Variants in PCLO observed in about 807,000 individuals in gnomAD.
PCLO encodes piccolo presynaptic cytomatrix protein.
In PCLO, 82 loss-of-function variants were observed where a neutral mutation model predicts 427.5. The ratio of observed to expected loss-of-function variants is 0.19; its 90% CI spans 0.16 to 0.23. The LOEUF (loss-of-function observed/expected upper bound fraction) is 0.23, where lower values mean the gene tolerates loss of function less well. PCLO is among the 10% of genes least tolerant of loss of function. The pLI is 1.00. For synonymous variants in PCLO, 2,357 were observed against 2,155.4 expected (o/e 1.09, Z -2.59); for missense variants, 6,239 against 6,115.9 (o/e 1.02, Z -0.67).
chr7:83,075,362 G>T (rs946925754), intron 3 of PCLO, among the ~76,000 whole-genome samples: 2 of 152,192 alleles, frequency 1.3e-5, no homozygotes, highest in African/African-American at 4.8e-5. Flanking sequence ...ACCTCAGTGA[G>T]ATTAGGCCTT....
chr7:83,078,900 C>T (rs557135908), intron 3 of PCLO, among the ~76,000 whole-genome samples: 15 of 152,112 alleles, frequency 9.9e-5, no homozygotes, highest in East Asian at 5.8e-4. Flanking sequence ...ATAATACCAG[C>T]AAATCAAAGA....
At chr7:82,892,000 C>A (rs1296259566) in intron 9 of PCLO, among the ~76,000 whole-genome samples, 1 of 152,100 alleles carries the variant, frequency 6.6e-6, no homozygotes, top group Non-Finnish European at 1.5e-5. Flanking sequence ...GGCCACACTG[C>A]CCAAGGTAAT....
chr7:82,901,833 C>T (rs533640225), intron 9 of PCLO, among the ~76,000 whole-genome samples: 1 of 152,236 alleles, frequency 6.6e-6, no homozygotes, highest in South Asian at 2.1e-4. Context: ...AAACGCTCAT[C>T]ATCACTGGCC....
At chr7:82,803,273 C>G (rs1051267627) in intron 21 of PCLO, among the ~76,000 whole-genome samples, 1 of 152,008 alleles carries the variant, frequency 6.6e-6, no homozygotes, top group Non-Finnish European at 1.5e-5. Flanking sequence ...GAGCCAAACT[C>G]TATTGAAAGT....
At chr7:82,791,254 GAATATA>G (rs1317806120) in intron 22 of PCLO, among the ~76,000 whole-genome samples, 7 of 132,290 alleles carry the variant, frequency 5.3e-5, no homozygotes, top group African/African-American at 1.2e-4. Context: ...CAATTAGAAT[GAATATA>G]AATAATCATT....
At chr7:82,829,248 C>A (rs1435988424) in intron 16 of PCLO, among the ~76,000 whole-genome samples, 1 of 152,144 alleles carries the variant, frequency 6.6e-6, no homozygotes, top group Non-Finnish European at 1.5e-5. Context: ...ACATTGACTG[C>A]ATAATGGGAT....
intron 2 of PCLO, among the ~76,000 whole-genome samples, chr7:83,135,955 G>T (rs1485944544): frequency 6.6e-6 from 1 of 151,786 alleles, no homozygotes; most frequent in Non-Finnish European, 1.5e-5. Context: ...AAAATTAGCT[G>T]GGCATGGTGG....
At position 82,966,438 on chromosome 7, in the gene PCLO, C is replaced by A. The variant is rs758287833; in HGVS notation, c.3350G>T (p.Gly1117Val). Residue 1117 changes from glycine (G) to valine (V), a missense_variant, in exon 4 of 25, where the codon GGA becomes GTA. Around this residue, in one of 5 missense-constraint regions of PCLO, gnomAD observed 4,677 missense variants for 4,468.4 expected, o/e 1.05. Coordinates refer to ENST00000333891, the MANE Select transcript of PCLO (RefSeq NM_033026.6). ...LNCQTQRAIS[G>V]QLGDIRKMPP... ...CATTTTGCGTATGTCTCCAAGCTGT[C>A]CTGATATTGCTCTCTGGGTTTGGCA... 84 of 1,601,594 alleles carry A rather than the reference C, an allele frequency of 5.2e-5. No individual in the cohort carries two copies. The Admixed American group carries it at 1.5e-3, about 28-fold the overall frequency.
intron 3 of PCLO, among the ~76,000 whole-genome samples, chr7:83,116,173 A>G (rs751437189): frequency 6.6e-6 from 1 of 152,098 alleles, no homozygotes; most frequent in Non-Finnish European, 1.5e-5. Context: ...TTAGATTAGG[A>G]ATATTGTTTT....
intron 3 of PCLO, among the ~76,000 whole-genome samples, chr7:83,024,663 A>C (rs1443199811): frequency 1.3e-5 from 2 of 152,228 alleles, no homozygotes; most frequent in East Asian, 3.9e-4. Flanking sequence ...GGACACAGAC[A>C]AACAAAAAGA....
chr7:82,870,673 A>C (rs2115983952), intron 10 of PCLO, among the ~76,000 whole-genome samples: 1 of 152,116 alleles, frequency 6.6e-6, no homozygotes, highest in African/African-American at 2.4e-5. Context: ...GGGAGAAAAT[A>C]TTTGCAAACT....
rs1237969139 is a variant in PCLO, at chr7:83,155,109, G to C, written c.1532C>G (p.Pro511Arg). 1 of 1,545,936 alleles carries C rather than the reference G, an allele frequency of 6.5e-7. No individual in the cohort carries two copies. The change falls in exon 2 of 25, where the codon CCT (proline) becomes CGT (arginine). Residue 511 changes from proline to arginine, a missense_variant. Pro to Arg is a moderately radical substitution (Grantham distance 103). Around this residue, in one of 5 missense-constraint regions of PCLO, gnomAD observed 4,677 missense variants for 4,468.4 expected, o/e 1.05. Transcript: ENST00000333891. ...SQQPGSTKPP[P>R]QQPGPAKPSP... is the part of the protein sequence containing the mutation. ...GGGCTTTGCTGGGCCAGGCTGTTGA[G>C]GTGGGGGTTTTGTTGAGCCAGGCTG...
chr7:82,856,882 A>G (rs1792821412), intron 10 of PCLO, among the ~76,000 whole-genome samples: 1 of 152,120 alleles, frequency 6.6e-6, no homozygotes, highest in African/African-American at 2.4e-5. Context: ...TGATGAGGCC[A>G]AGCCCTAATG....
intron 10 of PCLO, among the ~76,000 whole-genome samples, chr7:82,861,902 TG>T (rs1450936030): frequency 6.6e-6 from 1 of 151,950 alleles, no homozygotes; most frequent in South Asian, 2.1e-4. Flanking sequence ...ATTTAGAAAT[TG>T]TAAAATTTCT....
chr7:82,848,397 G>A (rs1230170157), intron 10 of PCLO, among the ~76,000 whole-genome samples: 2 of 134,614 alleles, frequency 1.5e-5, no homozygotes, highest in East Asian at 2.6e-4. Flanking sequence ...TGCAAGCTCC[G>A]CCTTCCAGGT....
At chr7:82,945,451 C>T (rs1225492712) in intron 6 of PCLO, among the ~76,000 whole-genome samples, 2 of 152,034 alleles carry the variant, frequency 1.3e-5, no homozygotes, top group Admixed American at 6.5e-5. Context: ...AAAATGTGAA[C>T]CTATTTGAAC....
chr7:83,088,636 T>G (rs1318220300), intron 3 of PCLO, among the ~76,000 whole-genome samples: 2 of 152,206 alleles, frequency 1.3e-5, no homozygotes, highest in Non-Finnish European at 2.9e-5. Flanking sequence ...TCATTTTTCT[T>G]CCACATTGAA....
intron 9 of PCLO, among the ~76,000 whole-genome samples, chr7:82,898,544 A>G (rs1793962434): frequency 6.6e-6 from 1 of 151,456 alleles, no homozygotes; most frequent in South Asian, 2.1e-4. Context: ...CAATAGGTTT[A>G]TGTAACCAAA....
intron 3 of PCLO, among the ~76,000 whole-genome samples, chr7:83,095,619 T>C (rs73170059): frequency 0.085 from 12,871 of 152,012 alleles, 723 homozygotes; most frequent in Non-Finnish European, 0.12. Flanking sequence ...AATTTTTATA[T>C]GTTTTACTTC....
Sources: allele counts gnomAD v4.1 joint callset (sites outside exome capture counted in the v4.1 genomes callset), GRCh38; gene constraint gnomAD v4.1.1; regional missense constraint gnomAD v4.1.1; transcripts MANE v1.5; gene names NCBI Gene and HGNC (gene_info 2026-07-23, HGNC 2026-07-21).